The following HCN1 variants were observed in gnomAD, a reference collection of about 807,000 sequenced individuals.
HCN1 encodes the protein hyperpolarization activated cyclic nucleotide gated potassium channel 1, also known as potassium/sodium hyperpolarization-activated cyclic nucleotide-gated channel 1.
Under a neutral mutation model 78.9 loss-of-function variants are expected in HCN1, and 13 were observed. The observed-to-expected ratio is 0.16, with a 90% CI of 0.11 to 0.26. The LOEUF is 0.26. Ranked by LOEUF, HCN1 falls within the 10% of genes least tolerant of loss-of-function variation. The pLI is 1.00. For missense variants in HCN1, 810 were observed against 1,154.3 expected (o/e 0.70, Z 4.32); for synonymous variants, 552 against 455.5 (o/e 1.21, Z -2.70).
intron 6 of HCN1, among the ~76,000 whole-genome samples, chr5:45,291,761 A>G (rs1745381522): frequency 6.6e-6 from 1 of 151,848 alleles, no homozygotes; most frequent in Non-Finnish European, 1.5e-5. Context: ...AACTCCTGGG[A>G]TCAAGTGATC....
intron 2 of HCN1, among the ~76,000 whole-genome samples, chr5:45,476,926 T>C (rs1183358361): frequency 1.3e-5 from 2 of 152,100 alleles, no homozygotes. Flanking sequence ...TAATAAATAA[T>C]TGTGGAATTA....
chr5:45,409,959 C>A (rs2112054860), intron 3 of HCN1, among the ~76,000 whole-genome samples: 1 of 151,746 alleles, frequency 6.6e-6, no homozygotes, highest in South Asian at 2.1e-4. Flanking sequence ...AAGGTCTGAT[C>A]TGGTTTGTCT....
At chr5:45,545,056 G>T (rs924341838) in intron 2 of HCN1, among the ~76,000 whole-genome samples, 2 of 152,064 alleles carry the variant, frequency 1.3e-5, no homozygotes, top group African/African-American at 4.8e-5. Flanking sequence ...CTAGTTTACA[G>T]TCCCACCAAC....
chr5:45,301,312 T>C (rs1745614111), intron 6 of HCN1, among the ~76,000 whole-genome samples: 1 of 151,672 alleles, frequency 6.6e-6, no homozygotes, highest in East Asian at 1.9e-4. Flanking sequence ...TTTGGTTGGG[T>C]TAATACTAAA....
In HCN1 at chr5:45,371,370, G is replaced by A. The variant is rs535483376; in HGVS notation, c.1231-18124C>T. Among the ~76,000 whole-genome samples the A allele has an allele frequency of 1.3e-4, 20 of 151,772 alleles. No homozygotes were observed. The South Asian group carries it at 1.9e-3, about 14-fold the overall frequency. ...CTTGAAAAAATTAATAACATAAGTC[G>A]ATAGACCACCAGCTAGACTAATAAA... On this transcript the variant is annotated intron_variant, in intron 4 of 7. Coordinates refer to ENST00000303230, the MANE Select transcript of HCN1 (RefSeq NM_021072.4).
chr5:45,383,540 C>G (rs1475510401), intron 4 of HCN1, among the ~76,000 whole-genome samples: 3 of 151,968 alleles, frequency 2.0e-5, no homozygotes, highest in Non-Finnish European at 4.4e-5. Context: ...ACTAAAACTA[C>G]AAAAATTAGC....
intron 4 of HCN1, among the ~76,000 whole-genome samples, chr5:45,369,745 T>C (rs1747314301): frequency 6.6e-6 from 1 of 152,152 alleles, no homozygotes; most frequent in East Asian, 1.9e-4. Flanking sequence ...TATCTAAATA[T>C]CACTGCATTG....
intron 3 of HCN1, among the ~76,000 whole-genome samples, chr5:45,412,561 C>T (rs1164243446): frequency 1.3e-5 from 2 of 152,104 alleles, no homozygotes; most frequent in Admixed American, 1.3e-4. Context: ...CCCATATCTT[C>T]TTCTGAGAGG....
At chr5:45,521,499 T>C (rs1023322283) in intron 2 of HCN1, among the ~76,000 whole-genome samples, 2 of 151,962 alleles carry the variant, frequency 1.3e-5, no homozygotes, top group African/African-American at 2.4e-5. Context: ...AGAAATTGCT[T>C]GGCTTGTAGA....
intron 1 of HCN1, among the ~76,000 whole-genome samples, chr5:45,661,191 C>T (rs917798749): frequency 1.2e-4 from 16 of 136,574 alleles, no homozygotes; most frequent in Non-Finnish European, 9.4e-5. Context: ...GAACAACCTG[C>T]TCCTGAATGA....
intron 5 of HCN1, among the ~76,000 whole-genome samples, chr5:45,351,769 T>C (rs1212996590): frequency 6.7e-6 from 1 of 149,346 alleles, no homozygotes; most frequent in African/African-American, 2.5e-5. Flanking sequence ...AAAAAACACA[T>C]GAAAAAATGC....
At chr5:45,332,174 T>A (rs1025510066) in intron 5 of HCN1, among the ~76,000 whole-genome samples, 1 of 151,486 alleles carries the variant, frequency 6.6e-6, no homozygotes, top group Non-Finnish European at 1.5e-5. Flanking sequence ...ATCTTTCTAA[T>A]CTTTTCTTAA....
chr5:45,433,179 G>C (rs1342882211), intron 3 of HCN1, among the ~76,000 whole-genome samples: 8 of 152,028 alleles, frequency 5.3e-5, no homozygotes, highest in Non-Finnish European at 1.2e-4. Flanking sequence ...TTGTTGATTT[G>C]AGTACGCTGA....
At chr5:45,423,961 T>G (rs532530480) in intron 3 of HCN1, among the ~76,000 whole-genome samples, 1 of 152,054 alleles carries the variant, frequency 6.6e-6, no homozygotes, top group Non-Finnish European at 1.5e-5. Context: ...TAAAAATTGA[T>G]GTTTGCCTTT....
rs184326098 is a variant in HCN1, at chr5:45,258,400, C to T, written c.*3521G>A. 2 of 152,218 alleles carry T rather than the reference C, an allele frequency of 1.3e-5. No individual in the cohort carries two copies. Among genetic ancestry groups the T allele is most frequent in the Admixed American group, 1.3e-4 (2 of 15,280 alleles). The allele number at this position is 152,218 out of a possible 1,614,324, so 9.4% of individuals were successfully genotyped here. A position where few individuals can be genotyped will look rare whatever the true frequency, so the allele number is the denominator to read the frequency against. On this transcript the variant is annotated 3_prime_UTR_variant, in exon 8 of 8. Coordinates refer to ENST00000303230, the MANE Select transcript of HCN1 (RefSeq NM_021072.4). ...GTTAAGTTTATAAATTGCAAAATAA[C>T]CATCTCTTTAAAGTGGAACAGCATT...
intron 3 of HCN1, among the ~76,000 whole-genome samples, chr5:45,461,545 C>T (rs533039944): frequency 2.2e-4 from 33 of 152,174 alleles, no homozygotes; most frequent in African/African-American, 7.7e-4. Context: ...TGAAAGAATG[C>T]TGTACTGTGG....
chr5:45,294,375 T>C (rs1415840528), intron 6 of HCN1, among the ~76,000 whole-genome samples: 1 of 152,032 alleles, frequency 6.6e-6, no homozygotes, highest in Non-Finnish European at 1.5e-5. Context: ...AAATGTCCAT[T>C]ATTAAAGCAG....
chr5:45,473,313 T>C (rs1741438939), intron 2 of HCN1, among the ~76,000 whole-genome samples: 1 of 152,004 alleles, frequency 6.6e-6, no homozygotes. Flanking sequence ...TCTAGTGATA[T>C]TGGCGTATTT....
chr5:45,302,793 A>G (rs910237527), intron 6 of HCN1, among the ~76,000 whole-genome samples: 1 of 151,882 alleles, frequency 6.6e-6, no homozygotes, highest in African/African-American at 2.4e-5. Flanking sequence ...TGCTATTCTT[A>G]TGATAGGGAA....
Sources: gnomAD v4.1 joint callset for allele counts (sites outside exome capture counted in the v4.1 genomes callset) on GRCh38, gnomAD v4.1.1 for gene constraint, MANE v1.5 for transcripts, NCBI Gene and HGNC (gene_info 2026-07-23, HGNC 2026-07-21) for gene names.